CRYBA1: variants seen among roughly 807,000 people sequenced by gnomAD.
The protein encoded by CRYBA1 is crystallin beta A1.
Under a neutral mutation model 36.2 loss-of-function variants are expected in CRYBA1, and 25 were observed. The ratio of observed to expected loss-of-function variants is 0.69; its 90% CI spans 0.50 to 0.97. The LOEUF (loss-of-function observed/expected upper bound fraction) is 0.97. CRYBA1 is among the 50% of genes least tolerant of loss of function. The pLI is 0.00. For synonymous variants in CRYBA1, 111 were observed against 90.0 expected, an observed-to-expected ratio of 1.23 and a Z score of -1.32; for missense variants, 224 against 276.3, an observed-to-expected ratio of 0.81 and a Z score of 1.34.
At chr17:29,253,447 A>G (rs996786251) in intron 4 of CRYBA1, among the ~76,000 whole-genome samples, 193 bp from the exon 5 acceptor site, 1 of 152,224 alleles carries the variant, frequency 6.6e-6, no homozygotes, top group Non-Finnish European at 1.5e-5. Flanking sequence ...TTGTACATTC[A>G]AAATGTTATG....
At chr17:29,252,469 A>T (rs949822427) in intron 4 of CRYBA1, among the ~76,000 whole-genome samples, 8 of 152,214 alleles carry the variant, frequency 5.3e-5, no homozygotes, top group Non-Finnish European at 1.0e-4. Context: ...CTTGTGAAAC[A>T]CTAGTAAATG....
chr17:29,251,642 C>T (rs1471965715), intron 3 of CRYBA1, among the ~76,000 whole-genome samples: 1 of 152,164 alleles, frequency 6.6e-6, no homozygotes, highest in African/African-American at 2.4e-5. Flanking sequence ...GTCACCACGC[C>T]TGGCTAATTT....
chr17:29,251,327 C>T (rs1041159004), intron 3 of CRYBA1, among the ~76,000 whole-genome samples: 1 of 152,008 alleles, frequency 6.6e-6, no homozygotes, highest in Non-Finnish European at 1.5e-5. Flanking sequence ...CTAACAACAA[C>T]AAAAACAACT....
rs866741668 is a variant in CRYBA1 at position 29,250,229 on chromosome 17, C to T, written c.144C>T (p.Phe48=). 2 of 1,613,130 alleles carry T rather than the reference C, an allele frequency of 1.2e-6. No individual in the cohort carries two copies. The highest frequency in any genetic ancestry group is 1.7e-6 in the Non-Finnish European group (2 of 1,179,062). Residue 48 remains phenylalanine, a synonymous_variant, in exon 3 of 6, where the codon TTC becomes TTT. Transcript: ENST00000225387. Reference sequence around the variant, plus strand: ...ACTTTCAGGGCAAGAGGATGGAGTTCACCAGCTCCTGTCCAAATGTCTCTG... The same window carrying T: ...ACTTTCAGGGCAAGAGGATGGAGTTTACCAGCTCCTGTCCAAATGTCTCTG... ...QENFQGKRME[F]TSSCPNVSER...
rs72819448 is a variant in CRYBA1, at chr17:29,250,316, C to T, written c.215+16C>T. 42,552 of 1,374,546 alleles carry T rather than the reference C, an allele frequency of 0.031. 822 individuals carry two copies. The highest frequency in any genetic ancestry group is 0.081 in the African/African-American group (5,744 of 70,606). The allele number at this position is 1,374,546 out of a possible 1,614,324, so 85.1% of individuals were successfully genotyped here. ...AAAGTGGCGCGTGAGTATGGACTTC[C>T]GCAGAACCGCAGCCCCTTATTTCAG... is the stretch of plus-strand genomic sequence containing the variant. On this transcript the variant is annotated intron_variant, in intron 3 of 5. Transcript: ENST00000225387.
chr17:29,253,389 TCTCA>T (rs1453518118), intron 4 of CRYBA1, among the ~76,000 whole-genome samples: 2 of 152,248 alleles, frequency 1.3e-5, no homozygotes, highest in Admixed American at 6.5e-5. Flanking sequence ...TAGTACTTTT[TCTCA>T]CTGTCAAATC....
intron 2 of CRYBA1, 102 bp downstream of exon 2, chr17:29,249,308 A>G (rs1315242548): frequency 7.2e-5 from 58 of 809,356 alleles, no homozygotes; most frequent in Non-Finnish European, 3.4e-5. Context: ...GACCAGAAAA[A>G]CCCCAGTTTG....
At chr17:29,254,062 C>T in intron 5 of CRYBA1, 140 bp from the exon 6 acceptor site, 1 of 942,120 alleles carries the variant, frequency 1.1e-6, no homozygotes, top group Non-Finnish European at 1.6e-6. Context: ...ACAAATAGTG[C>T]CTGACACATT....
intron 1 of CRYBA1, among the ~76,000 whole-genome samples, chr17:29,248,840 T>C (rs1490811945): frequency 6.6e-6 from 1 of 151,878 alleles, no homozygotes; most frequent in African/African-American, 2.4e-5. Context: ...TAGTGGTGCA[T>C]GCCTGTAGTC....
intron 1 of CRYBA1, among the ~76,000 whole-genome samples, chr17:29,247,674 G>A (rs1292201768): frequency 2.0e-5 from 3 of 152,252 alleles, no homozygotes; most frequent in African/African-American, 7.2e-5. Context: ...CCATTGAGGT[G>A]CTCACCAGGA....
At position 29,254,367 on chromosome 17, in the gene CRYBA1, G is replaced by A; in HGVS notation, c.*18G>A. 6.2e-7 allele frequency: 1 copy of A among 1,613,788 alleles called. No homozygotes were observed. Among genetic ancestry groups the A allele is most frequent in the South Asian group, 1.1e-5 (1 of 91,084 alleles). On this transcript the variant is annotated 3_prime_UTR_variant, in exon 6 of 6. Coordinates refer to ENST00000225387, the MANE Select transcript of CRYBA1 (RefSeq NM_005208.5). ...AACAGTAGCTGATTAAAAGCTCCAAGTACGATAATTCCTCAAGCATGAGAC... is the reference window on the plus strand; with the variant it reads ...AACAGTAGCTGATTAAAAGCTCCAAATACGATAATTCCTCAAGCATGAGAC...
chr17:29,253,567 A>G (rs2068948850), intron 4 of CRYBA1, 73 bp from the exon 5 acceptor site: 3 of 1,312,630 alleles, frequency 2.3e-6, no homozygotes, highest in Non-Finnish European at 3.3e-6. Flanking sequence ...AAAGTGTTTC[A>G]ATTTTGAAAA....
At position 29,254,360 on chromosome 17, in the gene CRYBA1, G is replaced by A. The variant is rs764236271; in HGVS notation, c.*11G>A. 1 of 1,613,974 alleles carries A rather than the reference G, an allele frequency of 6.2e-7. No homozygotes were observed. Among genetic ancestry groups the A allele is most frequent in the Non-Finnish European group, 8.5e-7 (1 of 1,179,952 alleles). On this transcript the variant is annotated 3_prime_UTR_variant, in exon 6 of 6. Transcript: ENST00000225387. ...CGAATCCAACAGTAGCTGATTAAAA[G>A]CTCCAAGTACGATAATTCCTCAAGC...
Position 29,249,151 on chromosome 17 carries a change from C to CAG in CRYBA1, c.42_43insGA (p.Thr15GlufsTer20). On this transcript the variant is annotated frameshift_variant, in exon 2 of 6. Coordinates refer to ENST00000225387, the MANE Select transcript of CRYBA1 (RefSeq NM_005208.5). LOFTEE classifies it high-confidence loss of function. The stretch of plus-strand genomic sequence containing the variant: ...GTGCTCTGTCTTCCAGAAACCCTTC[C>CAG]AACCACCAAGATGGCTCAGACCAAC... The CAG allele has an allele frequency of 6.2e-7, 1 of 1,612,532 alleles. No homozygotes were observed. The highest frequency in any genetic ancestry group is 8.5e-7 in the Non-Finnish European group (1 of 1,178,550).
intron 1 of CRYBA1, 128 bp downstream of exon 1, chr17:29,247,022 C>A: frequency 9.6e-7 from 1 of 1,043,016 alleles, no homozygotes; most frequent in Non-Finnish European, 1.4e-6. Flanking sequence ...GAGTGGGGAA[C>A]TCTGGCGGAA....
chr17:29,247,799 G>A (rs1043221958), intron 1 of CRYBA1, among the ~76,000 whole-genome samples: 3 of 152,224 alleles, frequency 2.0e-5, no homozygotes, highest in Non-Finnish European at 2.9e-5. Flanking sequence ...GGTCAAGGCT[G>A]GGTAGGATCT....
intron 4 of CRYBA1, among the ~76,000 whole-genome samples, chr17:29,253,437 T>C (rs2068948162): frequency 6.6e-6 from 1 of 152,236 alleles, no homozygotes; most frequent in Non-Finnish European, 1.5e-5. Context: ...TATCAGTTAT[T>C]TGTACATTCA....
Position 29,254,240 on chromosome 17 carries a change from A to C in CRYBA1, c.539A>C (p.Gln180Pro). 6.2e-7 allele frequency: 1 copy of C among 1,614,210 alleles called. No homozygotes were observed. Among genetic ancestry groups the C allele is most frequent in the Non-Finnish European group, 8.5e-7 (1 of 1,180,028 alleles). Residue 180 changes from glutamine (Q) to proline (P), a missense_variant, in exon 6 of 6, where the codon CAG becomes CCG. Transcript: ENST00000225387. The stretch of plus-strand genomic sequence containing the variant: ...CAATATCCTGGATATCGTGGGTATC[A>C]GTATATCTTGGAATGTGACCATCAT... ...CYQYPGYRGYQYILECDHHGG... is the reference protein window; with the variant it reads ...CYQYPGYRGYPYILECDHHGG...
chr17:29,254,080 G>A, intron 5 of CRYBA1, 122 bp from the exon 6 acceptor site: 1 of 1,103,584 alleles, frequency 9.1e-7, no homozygotes, highest in Non-Finnish European at 1.3e-6. Context: ...ATTTAGGATG[G>A]CTATTTTTTC....
Sources: allele counts gnomAD v4.1 joint callset (sites outside exome capture counted in the v4.1 genomes callset), GRCh38; gene constraint gnomAD v4.1.1; transcripts MANE v1.5; gene names NCBI Gene and HGNC (gene_info 2026-07-23, HGNC 2026-07-21).